Variants in BNC2 observed in about 807,000 individuals in gnomAD.
The protein encoded by BNC2 is zinc finger protein basonuclin-2.
Under a neutral mutation model 76.3 loss-of-function variants are expected in BNC2, and 20 were observed. That is an observed-to-expected ratio of 0.26 (90% CI 0.18 to 0.38). The LOEUF (loss-of-function observed/expected upper bound fraction) is 0.38, where lower values mean the gene tolerates loss of function less well. Among genes scored for constraint, BNC2 ranks in the 10% least tolerant of loss-of-function variants. BNC2 has a pLI of 1.00. For synonymous variants in BNC2, 582 were observed against 514.8 expected, an observed-to-expected ratio of 1.13 and a Z score of -1.77; for missense variants, 1,382 against 1,399.8, an observed-to-expected ratio of 0.99 and a Z score of 0.20.
intron 1 of BNC2, among the ~76,000 whole-genome samples, chr9:16,771,301 C>A (rs1028484970): frequency 2.0e-5 from 3 of 152,228 alleles, no homozygotes; most frequent in African/African-American, 7.2e-5. Context: ...GATAGGCTTA[C>A]AACCCTCTAT....
At chr9:16,709,937 C>A (rs1823787154) in intron 3 of BNC2, among the ~76,000 whole-genome samples, 1 of 151,922 alleles carries the variant, frequency 6.6e-6, no homozygotes, top group Non-Finnish European at 1.5e-5. Context: ...AAAACAAGGC[C>A]CAATCACGAA....
At chr9:16,862,023 T>C (rs1819423269) in intron 1 of BNC2, among the ~76,000 whole-genome samples, 1 of 150,416 alleles carries the variant, frequency 6.6e-6, no homozygotes, top group Middle Eastern at 3.5e-3. Context: ...ATAACAAGTG[T>C]TGAGGAGGGT....
intron 5 of BNC2, among the ~76,000 whole-genome samples, chr9:16,501,499 A>T (rs1036298191): frequency 6.6e-5 from 10 of 152,154 alleles, no homozygotes; most frequent in Admixed American, 5.9e-4. Context: ...TGGGTGTCCA[A>T]ATGGAAGATG....
chr9:16,740,019 T>C (rs1824795335), intron 1 of BNC2, among the ~76,000 whole-genome samples: 1 of 152,112 alleles, frequency 6.6e-6, no homozygotes, highest in Non-Finnish European at 1.5e-5. Flanking sequence ...AAACAAGAGA[T>C]AAAACAAGTG....
intron 6 of BNC2, among the ~76,000 whole-genome samples, chr9:16,425,136 A>C (rs1223176414): frequency 6.6e-6 from 1 of 152,206 alleles, no homozygotes; most frequent in Non-Finnish European, 1.5e-5. Context: ...GCAAATTAAA[A>C]GTATGAAACT....
chr9:16,813,535 G>A (rs1289482284), intron 1 of BNC2, among the ~76,000 whole-genome samples: 1 of 152,080 alleles, frequency 6.6e-6, no homozygotes, highest in African/African-American at 2.4e-5. Context: ...AAAGTGCCGG[G>A]ATTACAGGCG....
Position 16,577,342 on chromosome 9 carries a change from A to G in BNC2, c.433+5641T>C, listed in dbSNP as rs991727599. On this transcript the variant is annotated intron_variant, in intron 4 of 6. Transcript: ENST00000380672. ...TCAAATTCAACCATGCTGAGAAAAA[A>G]AAAAGAAAAATTATATCCAGTGAAT... Among the ~76,000 whole-genome samples the G allele has an allele frequency of 2.6e-5, 4 of 152,156 alleles. 1 individual carries two copies. Among genetic ancestry groups the G allele is most frequent in the South Asian group, 4.1e-4 (2 of 4,828 alleles).
intron 3 of BNC2, among the ~76,000 whole-genome samples, chr9:16,706,799 G>T (rs1231695936): frequency 2.6e-5 from 4 of 152,182 alleles, no homozygotes; most frequent in African/African-American, 7.2e-5. Flanking sequence ...TGACTGGGGG[G>T]AGGGGAGAAT....
intron 1 of BNC2, among the ~76,000 whole-genome samples, chr9:16,816,058 T>TA (rs1446507332): frequency 1.3e-5 from 2 of 152,142 alleles, no homozygotes; most frequent in African/African-American, 4.8e-5. Context: ...CATGTTTAAT[T>TA]AAAAAACACT....
At chr9:16,459,713 T>C (rs1042246670) in intron 5 of BNC2, among the ~76,000 whole-genome samples, 5 of 152,232 alleles carry the variant, frequency 3.3e-5, no homozygotes, top group East Asian at 1.9e-4. Context: ...AGATCCCACA[T>C]TGGAGAGAAC....
rs552417609 is a variant in BNC2, at chr9:16,748,772, G to A, written c.4-10287C>T. ...GCAAGAGAATTGCTAGGACCCAGGA[G>A]ATGGAGATTGCAGTGAGCCAAGATC... On this transcript the variant is annotated intron_variant, in intron 1 of 6. Coordinates refer to ENST00000380672, the MANE Select transcript of BNC2 (RefSeq NM_017637.6). 2.1e-5 allele frequency among the ~76,000 whole-genome samples: 3 copies of A among 145,062 alleles called. No homozygotes were observed. The South Asian group carries it at 6.8e-4, about 33-fold the overall frequency.
rs115750970 is a variant in BNC2 at position 16,421,415 on chromosome 9, A to C, written c.2640-1766T>G. 7.9e-4 allele frequency: 413 copies of C among 525,726 alleles called. 2 individuals are homozygous for C. The highest frequency in any genetic ancestry group is 7.6e-3 in the African/African-American group (381 of 50,186). 32.6% of individuals were successfully genotyped at this position (525,726 alleles called of 1,614,324 possible). On this transcript the variant is annotated intron_variant, in intron 6 of 6. Transcript: ENST00000380672. ...CTGGTTTTGAAAAACTTAAACAATA[A>C]AATAGGGATTTAAAACGTTCTGATC...
intron 5 of BNC2, among the ~76,000 whole-genome samples, chr9:16,488,489 T>C (rs1822210713): frequency 6.6e-6 from 1 of 152,352 alleles, no homozygotes; most frequent in African/African-American, 2.4e-5. Flanking sequence ...TATTTCTACA[T>C]AAACACTACT....
At chr9:16,565,702 G>A (rs988754471) in intron 4 of BNC2, among the ~76,000 whole-genome samples, 2 of 151,810 alleles carry the variant, frequency 1.3e-5, no homozygotes, top group African/African-American at 2.4e-5. Context: ...CAGATCCTTG[G>A]GAGGCTGAGA....
At chr9:16,818,361 G>A (rs868463477) in intron 1 of BNC2, among the ~76,000 whole-genome samples, 48 of 152,238 alleles carry the variant, frequency 3.2e-4, no homozygotes, top group African/African-American at 8.4e-4. Context: ...CCGACATGGC[G>A]CCACTGCACT....
At position 16,418,797 on chromosome 9, in the gene BNC2, A is replaced by C. The variant is rs1820644166; in HGVS notation, c.*192T>G. ...CTATAAAGGGAAGTGAAAAAAATTC[A>C]AAAGCACCTAGTGTTTATCTTGTTT... On this transcript the variant is annotated 3_prime_UTR_variant, in exon 7 of 7. Coordinates refer to ENST00000380672, the MANE Select transcript of BNC2 (RefSeq NM_017637.6). 1 of 667,032 alleles carries C rather than the reference A, an allele frequency of 1.5e-6. No homozygotes were observed. The highest frequency in any genetic ancestry group is 2.5e-6 in the Non-Finnish European group (1 of 396,454). The allele number at this position is 667,032 out of a possible 1,614,324, so 41.3% of individuals were successfully genotyped here. A position where few individuals can be genotyped will look rare whatever the true frequency, so the allele number is the denominator to read the frequency against.
intron 6 of BNC2, among the ~76,000 whole-genome samples, chr9:16,420,985 G>A (rs2119094063): frequency 6.6e-6 from 1 of 152,302 alleles, no homozygotes; most frequent in Non-Finnish European, 1.5e-5. Flanking sequence ...GCTTGGAGAA[G>A]TAATTGTGAT....
At chr9:16,457,920 C>T (rs1821489810) in intron 5 of BNC2, among the ~76,000 whole-genome samples, 1 of 152,150 alleles carries the variant, frequency 6.6e-6, no homozygotes, top group Non-Finnish European at 1.5e-5. Flanking sequence ...TCTGCATCCC[C>T]ACTGCCATCC....
chr9:16,662,846 A>T (rs1020772093), intron 3 of BNC2, among the ~76,000 whole-genome samples: 2 of 152,206 alleles, frequency 1.3e-5, no homozygotes, highest in Non-Finnish European at 2.9e-5. Flanking sequence ...TAGAAACACC[A>T]TTCTTAAAAG....
Sources: allele counts gnomAD v4.1 joint callset (sites outside exome capture counted in the v4.1 genomes callset), GRCh38; gene constraint gnomAD v4.1.1; transcripts MANE v1.5; gene names NCBI Gene and HGNC (gene_info 2026-07-23, HGNC 2026-07-21).